Variants in CELF4 observed in about 807,000 individuals in gnomAD.
CELF4 encodes the protein CUG-BP- and ETR-3-like factor 4.
In CELF4, 18 loss-of-function variants were observed where a neutral mutation model predicts 59.9. That is an observed-to-expected ratio of 0.30 (90% CI 0.21 to 0.45). CELF4 has a LOEUF of 0.45. CELF4 is among the 20% of genes least tolerant of loss of function. CELF4 has a pLI of 1.00. For synonymous variants in CELF4, 261 were observed against 267.1 expected (o/e 0.98, Z 0.22); for missense variants, 456 against 689.0 (o/e 0.66, Z 3.79).
intron 7 of CELF4, among the ~76,000 whole-genome samples, chr18:37,272,185 C>T (rs1341473863): frequency 6.6e-6 from 1 of 152,192 alleles, no homozygotes; most frequent in East Asian, 1.9e-4. Flanking sequence ...AGGACCAGCC[C>T]TTAGGACTAG....
At chr18:37,305,279 T>C (rs941554519) in intron 3 of CELF4, 2 of 151,986 alleles carry the variant, frequency 1.3e-5, no homozygotes, top group South Asian at 2.1e-4. Context: ...GGTGCCAGCA[T>C]TCGCGGGGGC....
rs2062366484 is a variant in CELF4, at chr18:37,246,808, A to G, written c.*45-1611T>C. Reference sequence around the variant, plus strand: ...ATGGTTTGCACAGGTAAATGATCCCATGTTTGATAATTCAGGAATTCATCT... The same window carrying G: ...ATGGTTTGCACAGGTAAATGATCCCGTGTTTGATAATTCAGGAATTCATCT... On this transcript the variant is annotated intron_variant, in intron 12 of 12. Coordinates refer to ENST00000420428, the MANE Select transcript of CELF4 (RefSeq NM_020180.4). This position sits in a 1 kb window ranked among gnomAD's most constrained non-coding sequence, Gnocchi z 5.3. 6.6e-6 allele frequency: 1 copy of G among 152,194 alleles called. No individual in the cohort carries two copies. The highest frequency in any genetic ancestry group is 1.5e-5 in the Non-Finnish European group (1 of 68,038). 9.4% of individuals were successfully genotyped at this position (152,194 alleles called of 1,614,324 possible).
At chr18:37,275,367 G>A (rs28364783) in intron 3 of CELF4, 124 bp from the exon 4 acceptor site, 2 of 649,946 alleles carry the variant, frequency 3.1e-6, no homozygotes, top group East Asian at 1.5e-4. Context: ...GGGGCTCGGA[G>A]CCGGCGGGGG....
intron 10 of CELF4, among the ~76,000 whole-genome samples, chr18:37,260,359 G>T (rs1472400015): frequency 1.3e-5 from 2 of 152,234 alleles, no homozygotes; most frequent in African/African-American, 4.8e-5. Context: ...ATCGTTCCAA[G>T]ATGCGTCTTA....
At chr18:37,273,786 G>C (rs1394085730) in intron 6 of CELF4, 1 of 988,816 alleles carries the variant, frequency 1.0e-6, no homozygotes, top group African/African-American at 1.7e-5. Flanking sequence ...AGGCAGCTCC[G>C]GGAGAGGCTG....
intron 2 of CELF4, among the ~76,000 whole-genome samples, chr18:37,478,627 T>C (rs1398171736): frequency 1.3e-5 from 2 of 152,084 alleles, no homozygotes; most frequent in Non-Finnish European, 2.9e-5. Context: ...AAGGAGGACT[T>C]TGAGATGTCT....
intron 5 of CELF4, 103 bp downstream of exon 5, chr18:37,274,702 T>C: frequency 6.7e-7 from 1 of 1,501,394 alleles, no homozygotes; most frequent in South Asian, 1.3e-5. Flanking sequence ...AGGGTCATGC[T>C]TTCCTGTCTC....
intron 1 of CELF4, among the ~76,000 whole-genome samples, chr18:37,558,668 A>G (rs927188030): frequency 1.3e-5 from 2 of 151,920 alleles, no homozygotes; most frequent in Middle Eastern, 3.4e-3. Context: ...GGAAAAGAAG[A>G]GGTGAAAGGA....
intron 2 of CELF4, among the ~76,000 whole-genome samples, chr18:37,430,000 A>G (rs1307479636): frequency 6.6e-6 from 1 of 152,086 alleles, no homozygotes; most frequent in Non-Finnish European, 1.5e-5. Flanking sequence ...AGTTCCTCCT[A>G]CTGGCCACGC....
chr18:37,359,620 G>A (rs1358132853), intron 2 of CELF4, among the ~76,000 whole-genome samples: 1 of 152,182 alleles, frequency 6.6e-6, no homozygotes, highest in Admixed American at 6.5e-5. Flanking sequence ...GGAATTATAA[G>A]CATGAGCCCT....
At chr18:37,514,690 A>T (rs933669505) in intron 1 of CELF4, among the ~76,000 whole-genome samples, 1 of 152,184 alleles carries the variant, frequency 6.6e-6, no homozygotes, top group Non-Finnish European at 1.5e-5. Flanking sequence ...CGGTGATAAT[A>T]AAATCTGGGG....
At chr18:37,458,456 G>A (rs1404466829) in intron 2 of CELF4, among the ~76,000 whole-genome samples, 1 of 152,210 alleles carries the variant, frequency 6.6e-6, no homozygotes. Context: ...TTATGTGGAA[G>A]GAGTACTGCA....
At chr18:37,560,289 T>C (rs1212401716) in intron 1 of CELF4, among the ~76,000 whole-genome samples, 1 of 152,242 alleles carries the variant, frequency 6.6e-6, no homozygotes, top group East Asian at 1.9e-4. Flanking sequence ...TGTTTGTTGA[T>C]TCCAAGAAAG....
intron 2 of CELF4, among the ~76,000 whole-genome samples, chr18:37,333,898 G>A (rs1001912031): frequency 1.3e-5 from 2 of 152,062 alleles, no homozygotes; most frequent in East Asian, 1.9e-4. Flanking sequence ...CAACATGAGT[G>A]TCTCTTCCCT....
chr18:37,275,015 A>G lies in CELF4; in HGVS notation c.577+100T>C, dbSNP rs544235183. The G allele has an allele frequency of 8.9e-5, 137 of 1,546,944 alleles. No homozygotes were observed. In the African/African-American group the frequency reaches 1.7e-3, roughly 19 times the overall value. On this transcript the variant is annotated intron_variant, in intron 4 of 12. Transcript: ENST00000420428. ...GAGAAAGAGACACCAAGAAGCCCAG[A>G]GACAGACGGCGATGGCCCCGGAGAC...
At chr18:37,316,757 G>A (rs1312073250) in intron 3 of CELF4, among the ~76,000 whole-genome samples, 1 of 152,058 alleles carries the variant, frequency 6.6e-6, no homozygotes, top group East Asian at 1.9e-4. Context: ...CTCATGAGTA[G>A]GTCTGGGAGC....
intron 12 of CELF4, among the ~76,000 whole-genome samples, chr18:37,250,907 A>G (rs971512696): frequency 3.9e-5 from 6 of 152,198 alleles, no homozygotes; most frequent in African/African-American, 1.4e-4. Flanking sequence ...AGTTTTTTAA[A>G]GGACTGCTTA....
intron 11 of CELF4, among the ~76,000 whole-genome samples, chr18:37,258,872 T>C (rs1173065970): frequency 6.6e-6 from 1 of 152,106 alleles, no homozygotes; most frequent in Non-Finnish European, 1.5e-5. Context: ...TTGGAATTTG[T>C]CTGGAAGAGG....
At chr18:37,496,830 T>C (rs1193536168) in intron 1 of CELF4, among the ~76,000 whole-genome samples, 1 of 152,142 alleles carries the variant, frequency 6.6e-6, no homozygotes, top group East Asian at 1.9e-4. Flanking sequence ...TTTAGCAATA[T>C]TTAACCTGAG....
Sources: allele counts gnomAD v4.1 joint callset (sites outside exome capture counted in the v4.1 genomes callset), GRCh38; gene constraint gnomAD v4.1.1; non-coding constraint Gnocchi (gnomAD v3.1); transcripts MANE v1.5; gene names NCBI Gene and HGNC (gene_info 2026-07-23, HGNC 2026-07-21).